FAP: variants seen among roughly 807,000 people sequenced by gnomAD.
FAP encodes fibroblast activation protein alpha.
A neutral mutation model predicts 126.5 loss-of-function variants in FAP; 110 were observed. The ratio of observed to expected loss-of-function variants is 0.87; its 90% CI spans 0.74 to 1.02. The LOEUF (loss-of-function observed/expected upper bound fraction) is 1.02. Among genes scored for constraint, FAP ranks in the 50% least tolerant of loss-of-function variants. The pLI is 0.00. For synonymous variants in FAP, 334 were observed against 297.3 expected (o/e 1.12, Z -1.27); for missense variants, 919 against 909.2 (o/e 1.01, Z -0.14).
chr2:162,207,108 T>C (rs1230303274), intron 12 of FAP, among the ~76,000 whole-genome samples: 1 of 152,212 alleles, frequency 6.6e-6, no homozygotes, highest in East Asian at 1.9e-4. Flanking sequence ...CATTTCTAGT[T>C]TTTTCTGGTT....
chr2:162,233,329 C>T (rs1205266697), intron 2 of FAP, among the ~76,000 whole-genome samples: 3 of 152,006 alleles, frequency 2.0e-5, no homozygotes. Flanking sequence ...GCCTGCCAAC[C>T]CTGTCTACTG....
Position 162,223,677 on chromosome 2 carries a change from A to T in FAP, c.361-17T>A. The stretch of plus-strand genomic sequence containing the variant: ...TCTCCAAAGCTGTCAGAAAGAAGAA[A>T]GACAAAAAACAAATTGCAGTTGTTA... On this transcript the variant is annotated splice_polypyrimidine_tract_variant and intron_variant, in intron 5 of 25. Transcript: ENST00000188790. 2 of 1,593,680 alleles carry T rather than the reference A, an allele frequency of 1.3e-6. No homozygotes were observed. Among genetic ancestry groups the T allele is most frequent in the Non-Finnish European group, 1.7e-6 (2 of 1,161,910 alleles).
In FAP at chr2:162,204,508, G is replaced by C. The variant is rs922928101; in HGVS notation, c.1048-1363C>G. On this transcript the variant is annotated intron_variant, in intron 12 of 25. Transcript: ENST00000188790. The stretch of plus-strand genomic sequence containing the variant: ...TCCTCATAGGTGGGGAGGACACAAA[G>C]AGACACTGAGAGATACAGGGAAGAA... 1.3e-5 allele frequency among the ~76,000 whole-genome samples: 2 copies of C among 152,156 alleles called. 1 individual carries two copies. The highest frequency in any genetic ancestry group is 3.9e-4 in the East Asian group (2 of 5,184).
At chr2:162,231,758 G>T (rs1180463908) in intron 2 of FAP, among the ~76,000 whole-genome samples, 1 of 152,192 alleles carries the variant, frequency 6.6e-6, no homozygotes, top group Non-Finnish European at 1.5e-5. Context: ...GTCTGTTTCT[G>T]CCATTTGATT....
intron 25 of FAP, 161 bp from the exon 26 acceptor site, chr2:162,171,241 G>T (rs1298157571): frequency 3.5e-6 from 2 of 567,974 alleles, no homozygotes. Context: ...AATATTTACA[G>T]CAGGAAGAGC....
chr2:162,219,820 A>G (rs1689309508), intron 7 of FAP, 33 bp downstream of exon 7: 1 of 1,443,818 alleles, frequency 6.9e-7, no homozygotes, highest in Non-Finnish European at 9.7e-7. Context: ...TTTTATTTAC[A>G]TGATTAAACA....
chr2:162,181,742 A>T (rs1338727433), intron 21 of FAP, among the ~76,000 whole-genome samples: 3 of 152,210 alleles, frequency 2.0e-5, no homozygotes, highest in Non-Finnish European at 4.4e-5. Context: ...GGCCAGGACT[A>T]CGACTTACTC....
At chr2:162,218,579 A>AGAT (rs932335295) in intron 8 of FAP, among the ~76,000 whole-genome samples, 1 of 151,774 alleles carries the variant, frequency 6.6e-6, no homozygotes, top group African/African-American at 2.4e-5. Context: ...ATAGATAGAT[A>AGAT]GATAGATAGA....
At chr2:162,176,132 T>C (rs1687475551) in intron 21 of FAP, 1 of 152,034 alleles carries the variant, frequency 6.6e-6, no homozygotes. Flanking sequence ...AGTCATTCTT[T>C]AGACAGGGAG....
At chr2:162,240,920 C>T (rs1690321994) in intron 2 of FAP, among the ~76,000 whole-genome samples, 1 of 152,042 alleles carries the variant, frequency 6.6e-6, no homozygotes, top group Non-Finnish European at 1.5e-5. Flanking sequence ...ATTGATTGAC[C>T]AGTGAGATGT....
chr2:162,173,077 T>C, intron 24 of FAP, 72 bp downstream of exon 24: 5 of 1,384,246 alleles, frequency 3.6e-6, no homozygotes, highest in Non-Finnish European at 5.2e-6. Flanking sequence ...CATAGGAGGA[T>C]GCTTAATGTT....
intron 21 of FAP, among the ~76,000 whole-genome samples, chr2:162,177,674 C>T (rs1038090728): frequency 6.6e-6 from 1 of 152,098 alleles, no homozygotes; most frequent in Admixed American, 6.6e-5. Context: ...TTCCATAGCG[C>T]TTAACGTCAT....
chr2:162,181,560 A>C (rs1256215781), intron 21 of FAP, among the ~76,000 whole-genome samples: 1 of 152,136 alleles, frequency 6.6e-6, no homozygotes, highest in African/African-American at 2.4e-5. Context: ...TCCGTTCCTC[A>C]GCTATCTTCA....
Position 162,189,731 on chromosome 2 carries a change from T to C in FAP, c.1474A>G (p.Lys492Glu), listed in dbSNP as rs1687974486. Residue 492 changes from lysine to glutamate, a missense_variant, in exon 18 of 26, where the codon AAG becomes GAG. Transcript: ENST00000188790. ...DQEIKILEEN[K>E]ELENALKNIQ... Reference sequence around the variant, plus strand: ...TTTTTCAAAGCATTTTCCAATTCCTTGTTTTCTTCCAGGATTTTAATTTCT... The same window carrying C: ...TTTTTCAAAGCATTTTCCAATTCCTCGTTTTCTTCCAGGATTTTAATTTCT... 1.3e-6 allele frequency: 2 copies of C among 1,583,878 alleles called. No homozygotes were observed. The highest frequency in any genetic ancestry group is 2.7e-5 in the African/African-American group (2 of 73,908).
At chr2:162,230,068 T>G (rs968740621) in intron 2 of FAP, among the ~76,000 whole-genome samples, 7 of 152,138 alleles carry the variant, frequency 4.6e-5, no homozygotes, top group Admixed American at 1.3e-4. Context: ...TGAAACCGTA[T>G]CATATGTCAT....
At chr2:162,218,561 TTAGATAGATAGATAGA>T (rs3217172) in intron 8 of FAP, among the ~76,000 whole-genome samples, 22 of 148,466 alleles carry the variant, frequency 1.5e-4, no homozygotes, top group African/African-American at 3.7e-4. Context: ...CACAGTTAGT[TTAGATAGATAGATAGA>T]TAGATAGATA....
At position 162,188,379 on chromosome 2, in the gene FAP, A is replaced by T; in HGVS notation, c.1620-16T>A. 3 of 1,604,116 alleles carry T rather than the reference A, an allele frequency of 1.9e-6. No individual in the cohort carries two copies. The highest frequency in any genetic ancestry group is 2.6e-6 in the Non-Finnish European group (3 of 1,174,806). ...ACCACCATACCTAAAGGAAAAACAA[A>T]AAAAACAAGAATCTTTGATTGCTTT... is the stretch of plus-strand genomic sequence containing the variant. On this transcript the variant is annotated splice_polypyrimidine_tract_variant and intron_variant, in intron 19 of 25. Transcript: ENST00000188790.
At chr2:162,189,560 A>G (rs899173188) in intron 18 of FAP, 96 bp downstream of exon 18, 1 of 666,266 alleles carries the variant, frequency 1.5e-6, no homozygotes, top group African/African-American at 1.9e-5. Flanking sequence ...AATAGATCGC[A>G]GAATTTGCAC....
At chr2:162,221,291 G>A (rs1246616897) in intron 6 of FAP, among the ~76,000 whole-genome samples, 2 of 152,086 alleles carry the variant, frequency 1.3e-5, no homozygotes, top group African/African-American at 2.4e-5. Context: ...AGTAATCCCA[G>A]CACTTTGGGC....
Sources: allele counts gnomAD v4.1 joint callset (sites outside exome capture counted in the v4.1 genomes callset), GRCh38; gene constraint gnomAD v4.1.1; transcripts MANE v1.5; gene names NCBI Gene and HGNC (gene_info 2026-07-23, HGNC 2026-07-21).